CACNB4: variants seen among roughly 807,000 people sequenced by gnomAD.
CACNB4 encodes the protein calcium voltage-gated channel auxiliary subunit beta 4.
A neutral mutation model predicts 71.2 loss-of-function variants in CACNB4; 32 were observed. The ratio of observed to expected loss-of-function variants is 0.45; its 90% CI spans 0.34 to 0.60. CACNB4 has a LOEUF of 0.60. Among genes scored for constraint, CACNB4 ranks in the 20% least tolerant of loss-of-function variants. The pLI is 0.01. For missense variants in CACNB4, 464 were observed against 647.9 expected, an observed-to-expected ratio of 0.72 and a Z score of 3.08; for synonymous variants, 231 against 236.9, an observed-to-expected ratio of 0.97 and a Z score of 0.23.
chr2:152,096,251 AG>A (rs1025522281), intron 2 of CACNB4, among the ~76,000 whole-genome samples: 3 of 152,094 alleles, frequency 2.0e-5, no homozygotes, highest in African/African-American at 7.2e-5. Flanking sequence ...TGGGAGGATG[AG>A]GTGGGCAGAT....
At chr2:152,071,416 G>T (rs1288401179) in intron 2 of CACNB4, among the ~76,000 whole-genome samples, 1 of 152,102 alleles carries the variant, frequency 6.6e-6, no homozygotes, top group Non-Finnish European at 1.5e-5. Flanking sequence ...CAAAATTTGG[G>T]GCTATCATTA....
intron 2 of CACNB4, among the ~76,000 whole-genome samples, chr2:151,924,597 C>A (rs906566232): frequency 6.6e-6 from 1 of 151,700 alleles, no homozygotes; most frequent in African/African-American, 2.4e-5. Context: ...TACACCACCA[C>A]AGAGAAAAGT....
intron 2 of CACNB4, among the ~76,000 whole-genome samples, chr2:151,893,927 A>C (rs1233788258): frequency 6.6e-6 from 1 of 152,220 alleles, no homozygotes; most frequent in Non-Finnish European, 1.5e-5. Flanking sequence ...GAAAGGAGTA[A>C]AAATAGAAAT....
chr2:151,947,731 T>G (rs1365186085), intron 2 of CACNB4, among the ~76,000 whole-genome samples: 1 of 152,192 alleles, frequency 6.6e-6, no homozygotes, highest in African/African-American at 2.4e-5. Flanking sequence ...TTGCCTCTTC[T>G]GAGACCACCC....
chr2:152,068,214 C>T (rs952457237), intron 2 of CACNB4, among the ~76,000 whole-genome samples: 4 of 152,138 alleles, frequency 2.6e-5, no homozygotes, highest in Non-Finnish European at 5.9e-5. Flanking sequence ...TCCTCAGGTT[C>T]CTTTGAATTC....
At chr2:151,870,059 T>C in intron 8 of CACNB4, 2 of 586,796 alleles carry the variant, frequency 3.4e-6, no homozygotes, top group Admixed American at 6.2e-5. Context: ...ATGTGCCCTT[T>C]AAAATAAATA....
rs1682196882 is a variant in CACNB4, at chr2:151,998,394, G to A, written c.147+99936C>T. On this transcript the variant is annotated intron_variant, in intron 2 of 13. Coordinates refer to ENST00000539935, the MANE Select transcript of CACNB4 (RefSeq NM_000726.5). ...CTGGAAAATATGCGATAAGTAGAAA[G>A]AGAATATCATCTGAGGTAGCAAAAC... is the stretch of plus-strand genomic sequence containing the variant. Among the ~76,000 whole-genome samples, 7 of 150,190 alleles carry A rather than the reference G, an allele frequency of 4.7e-5. No individual in the cohort carries two copies. The South Asian group carries it at 1.5e-3, about 32-fold the overall frequency.
At chr2:152,049,587 C>T (rs1435577519) in intron 2 of CACNB4, among the ~76,000 whole-genome samples, 1 of 152,082 alleles carries the variant, frequency 6.6e-6, no homozygotes, top group Admixed American at 6.5e-5. Context: ...TTCCTTCTTT[C>T]CTTTTTTTCT....
At chr2:151,911,795 C>A (rs370257289) in intron 2 of CACNB4, among the ~76,000 whole-genome samples, 1 of 152,132 alleles carries the variant, frequency 6.6e-6, no homozygotes, top group East Asian at 1.9e-4. Context: ...AGCTGTGAAT[C>A]CGTCTGGTCC....
At chr2:151,999,100 A>C (rs1682242683) in intron 2 of CACNB4, among the ~76,000 whole-genome samples, 2 of 152,318 alleles carry the variant, frequency 1.3e-5, no homozygotes, top group African/African-American at 2.4e-5. Context: ...ATAAGGAATC[A>C]GTAGGAACAG....
At chr2:152,090,679 G>A in intron 2 of CACNB4, among the ~76,000 whole-genome samples, 1 of 151,308 alleles carries the variant, frequency 6.6e-6, no homozygotes, top group East Asian at 1.9e-4. Flanking sequence ...ATAAAAACTT[G>A]AATCAGAACT....
intron 2 of CACNB4, among the ~76,000 whole-genome samples, chr2:152,008,644 A>C (rs944151393): frequency 5.9e-5 from 9 of 152,168 alleles, no homozygotes; most frequent in Non-Finnish European, 1.0e-4. Context: ...TCCTGAAGGC[A>C]GAAACTGTGA....
At chr2:151,846,494 A>T (rs1405299152) in intron 12 of CACNB4, among the ~76,000 whole-genome samples, 3 of 152,096 alleles carry the variant, frequency 2.0e-5, no homozygotes, top group Admixed American at 2.0e-4. Flanking sequence ...AAAGTTTATA[A>T]ACTGTAGAAA....
intron 2 of CACNB4, among the ~76,000 whole-genome samples, chr2:151,908,290 G>A (rs1426366697): frequency 1.3e-5 from 2 of 152,238 alleles, no homozygotes; most frequent in South Asian, 2.1e-4. Context: ...TTAGGGAGAG[G>A]TGGTAAACTA....
At position 151,853,447 on chromosome 2, in the gene CACNB4, C is replaced by T. The variant is rs1299241873; in HGVS notation, c.1116+1G>A. The T allele has an allele frequency of 6.3e-7, 1 of 1,575,758 alleles. No individual in the cohort carries two copies. The highest frequency in any genetic ancestry group is 8.6e-7 in the Non-Finnish European group (1 of 1,157,070). ...TGAAGACAAAAAATGATCATACTTA[C>T]TGGGGGGCATTGTGCAAGTTTATCA... On this transcript the variant is annotated splice_donor_variant, in intron 12 of 13. Coordinates refer to ENST00000539935, the MANE Select transcript of CACNB4 (RefSeq NM_000726.5). LOFTEE classifies it high-confidence loss of function.
chr2:151,868,218 T>C (rs1208484767), intron 9 of CACNB4: 2 of 152,212 alleles, frequency 1.3e-5, no homozygotes, highest in Non-Finnish European at 2.9e-5. Context: ...ATTTTGTGCA[T>C]TTAGTGGATT....
chr2:152,082,603 T>G (rs777706303), intron 2 of CACNB4, among the ~76,000 whole-genome samples: 1 of 152,230 alleles, frequency 6.6e-6, no homozygotes, highest in Admixed American at 6.5e-5. Flanking sequence ...TAGAACGTGA[T>G]GGAATCTTAG....
At position 151,949,218 on chromosome 2, in the gene CACNB4, T is replaced by C. The variant is rs987632526; in HGVS notation, c.148-65848A>G. 2.5e-4 allele frequency among the ~76,000 whole-genome samples: 37 copies of C among 150,942 alleles called. 1 individual carries two copies. The highest frequency in any genetic ancestry group is 5.3e-4 in the Non-Finnish European group (36 of 67,866). On this transcript the variant is annotated intron_variant, in intron 2 of 13. Coordinates refer to ENST00000539935, the MANE Select transcript of CACNB4 (RefSeq NM_000726.5). ...AGGTAACAAAAAAAAAAAAGTGCCA[T>C]CCTGACCTAAGAGGACTGACACTCA...
chr2:151,936,067 G>C (rs1352415750), intron 2 of CACNB4: 1 of 152,200 alleles, frequency 6.6e-6, no homozygotes, highest in Non-Finnish European at 1.5e-5. Flanking sequence ...TCAACTTTAA[G>C]ATTCCCAAGA....
Sources: gnomAD v4.1 joint callset for allele counts (sites outside exome capture counted in the v4.1 genomes callset) on GRCh38, gnomAD v4.1.1 for gene constraint, MANE v1.5 for transcripts, NCBI Gene and HGNC (gene_info 2026-07-23, HGNC 2026-07-21) for gene names.